BPTF: variants seen among roughly 807,000 people sequenced by gnomAD.
BPTF encodes the protein nucleosome-remodeling factor subunit BPTF.
Under a neutral mutation model 292.5 loss-of-function variants are expected in BPTF, and 18 were observed. That is an observed-to-expected ratio of 0.06 (90% CI 0.04 to 0.09). BPTF has a LOEUF of 0.09. BPTF is among the 10% of genes least tolerant of loss of function. BPTF has a pLI of 1.00. For synonymous variants in BPTF, 1,225 were observed against 1,251.9 expected, an observed-to-expected ratio of 0.98 and a Z score of 0.45; for missense variants, 2,726 against 3,498.7, an observed-to-expected ratio of 0.78 and a Z score of 5.57.
At chr17:67,874,540 C>A (rs537351777) in intron 3 of BPTF, among the ~76,000 whole-genome samples, 84 of 151,950 alleles carry the variant, frequency 5.5e-4, no homozygotes, top group Non-Finnish European at 9.7e-4. Context: ...TATATCAAGG[C>A]TATATTTTAA....
In BPTF at chr17:67,862,016, C is replaced by T. The variant is rs150957894; in HGVS notation, c.1437-4448C>T. On this transcript the variant is annotated intron_variant, in intron 2 of 27. Transcript: ENST00000306378. ...TTTTGATACAAGTCTCACTCTGTCGCCCAGGCTGGAGTGCAGTGGCACAAC... is the reference window on the plus strand; with the variant it reads ...TTTTGATACAAGTCTCACTCTGTCGTCCAGGCTGGAGTGCAGTGGCACAAC... Among the ~76,000 whole-genome samples, 521 of 152,330 alleles carry T rather than the reference C, an allele frequency of 3.4e-3. 2 individuals are homozygous for T. Among genetic ancestry groups the T allele is most frequent in the African/African-American group, 0.012 (503 of 41,564 alleles).
chr17:67,901,773 G>A (rs1464553853), intron 7 of BPTF, among the ~76,000 whole-genome samples: 1 of 152,190 alleles, frequency 6.6e-6, no homozygotes, highest in Non-Finnish European at 1.5e-5. Context: ...GTGTAGGAAC[G>A]CAGGGTGGCT....
Position 67,964,251 on chromosome 17 carries a change from T to C in BPTF, c.8301T>C (p.His2767=), listed in dbSNP as rs782205392. 5 of 1,614,030 alleles carry C rather than the reference T, an allele frequency of 3.1e-6. No individual in the cohort carries two copies. In the Admixed American group the frequency reaches 8.3e-5, roughly 27 times the overall value. The part of the protein sequence containing the change: ...IGCDRCQNWY[H]GRCVGILQSE... ...GTGATCGGTGTCAGAATTGGTACCA[T>C]GGGCGCTGCGTTGGCATCTTGCAAA... The change falls in exon 25 of 28, where the codon CAT becomes CAC. Residue 2767 remains histidine (H), a synonymous_variant. Coordinates refer to ENST00000306378, the MANE Select transcript of BPTF (RefSeq NM_182641.4).
chr17:67,826,030 G>A lies in BPTF; in HGVS notation c.306G>A (p.Thr102=), dbSNP rs1212205675. ...RGGRGGGGGR[T]GGGGGGGHLA... ...GGCGAGGAGGCGGGGGCGGCAGGAC[G>A]GGGGGCGGGGGCGGCGGCGGCCACC... The change falls in exon 1 of 28, where the codon ACG becomes ACA. Residue 102 remains threonine, a synonymous_variant. Coordinates refer to ENST00000306378, the MANE Select transcript of BPTF (RefSeq NM_182641.4). The A allele has an allele frequency of 2.5e-6, 3 of 1,192,750 alleles. No individual in the cohort carries two copies. The highest frequency in any genetic ancestry group is 3.5e-5 in the South Asian group (1 of 28,896). 73.9% of individuals were successfully genotyped at this position (1,192,750 alleles called of 1,614,324 possible). A position where few individuals can be genotyped will look rare whatever the true frequency, so the allele number is the denominator to read the frequency against.
intron 27 of BPTF, among the ~76,000 whole-genome samples, chr17:67,976,571 A>T (rs1458063227): frequency 1.5e-4 from 23 of 151,722 alleles, no homozygotes; most frequent in Admixed American, 5.9e-4. Flanking sequence ...CTGTAGTCCT[A>T]GCTACTCAGG....
intron 2 of BPTF, among the ~76,000 whole-genome samples, chr17:67,857,171 T>C (rs919090909): frequency 2.9e-3 from 408 of 139,780 alleles, no homozygotes; most frequent in Non-Finnish European, 4.9e-3. Context: ...TTTTTTTTTT[T>C]TTGAGACAGA....
In BPTF at chr17:67,895,835, C is replaced by T. The variant is rs528786304; in HGVS notation, c.2543+1670C>T. On this transcript the variant is annotated intron_variant, in intron 7 of 27. Coordinates refer to ENST00000306378, the MANE Select transcript of BPTF (RefSeq NM_182641.4). ...CAAAAACAAAGTTAAAAATGCAATT[C>T]GACTCCTTCCTAGTACAGTAGAGAG... Among the ~76,000 whole-genome samples, 68 of 152,194 alleles carry T rather than the reference C, an allele frequency of 4.5e-4. 1 individual carries two copies. Among genetic ancestry groups the T allele is most frequent in the African/African-American group, 1.4e-3 (58 of 41,520 alleles).
intron 1 of BPTF, among the ~76,000 whole-genome samples, chr17:67,841,800 T>TTG (rs2057575056): frequency 6.6e-6 from 1 of 152,220 alleles, no homozygotes; most frequent in East Asian, 1.9e-4. Flanking sequence ...TTACATTTAA[T>TTG]ATGATTGATA....
intron 7 of BPTF, among the ~76,000 whole-genome samples, chr17:67,899,536 T>C (rs1414892903): frequency 6.7e-6 from 1 of 150,262 alleles, no homozygotes; most frequent in Non-Finnish European, 1.5e-5. Flanking sequence ...TTTTTTTCTT[T>C]TTTTTTTTTT....
intron 3 of BPTF, among the ~76,000 whole-genome samples, chr17:67,867,468 G>A (rs1404981637): frequency 6.6e-6 from 1 of 152,150 alleles, no homozygotes; most frequent in Non-Finnish European, 1.5e-5. Context: ...TGAAATATTT[G>A]TTACAACTAA....
At chr17:67,831,178 A>G (rs1285608042) in intron 1 of BPTF, among the ~76,000 whole-genome samples, 2 of 152,140 alleles carry the variant, frequency 1.3e-5, no homozygotes, top group South Asian at 2.1e-4. Context: ...GTAGCCCTGG[A>G]TGGAAGATCA....
Position 67,866,597 on chromosome 17 carries a change from C to G in BPTF, c.1570C>G (p.Arg524Gly). The change falls in exon 3 of 28, where the codon CGT becomes GGT. Residue 524 changes from arginine to glycine, a missense_variant. By Grantham distance (125) the Arg-to-Gly change is moderately radical. Coordinates refer to ENST00000306378, the MANE Select transcript of BPTF (RefSeq NM_182641.4). ...AELCKILEEM[R>G]EEIHRHMDIT... The stretch of plus-strand genomic sequence containing the variant: ...ACTCTGCAAAATTCTAGAAGAAATG[C>G]GTGAAGAAATCCACCGACACATGGA... 6.2e-7 allele frequency: 1 copy of G among 1,613,784 alleles called. No individual in the cohort carries two copies. The highest frequency in any genetic ancestry group is 8.5e-7 in the Non-Finnish European group (1 of 1,179,832).
At position 67,826,354 on chromosome 17, in the gene BPTF, G is replaced by C. The variant is rs2056028326; in HGVS notation, c.613+17G>C. The C allele has an allele frequency of 6.3e-7, 1 of 1,595,868 alleles. No homozygotes were observed. Among genetic ancestry groups the C allele is most frequent in the South Asian group, 1.1e-5 (1 of 90,136 alleles). Reference sequence around the variant, plus strand: ...GCACTCCAGGTACCCACCCAGCCCAGTTGCTGCAGACTCCTTCCCCACCTC... The same window carrying C: ...GCACTCCAGGTACCCACCCAGCCCACTTGCTGCAGACTCCTTCCCCACCTC... On this transcript the variant is annotated intron_variant, in intron 1 of 27. Coordinates refer to ENST00000306378, the MANE Select transcript of BPTF (RefSeq NM_182641.4).
At chr17:67,959,471 C>G (rs2067259937) in intron 23 of BPTF, 70 bp from the exon 24 acceptor site, 2 of 1,263,708 alleles carry the variant, frequency 1.6e-6, no homozygotes, top group Non-Finnish European at 2.1e-6. Flanking sequence ...GGTAGTGTAC[C>G]ATCTTCTGGC....
At position 67,947,711 on chromosome 17, in the gene BPTF, T is replaced by G; in HGVS notation, c.7618-15T>G. 1 of 1,548,346 alleles carries G rather than the reference T, an allele frequency of 6.5e-7. No homozygotes were observed. The highest frequency in any genetic ancestry group is 8.7e-7 in the Non-Finnish European group (1 of 1,144,592). ...ATTATAAAATATGCGCTTTTGGATTTATTCTGTCCTGAAGGTGGTGATGAA... is the reference window on the plus strand; with the variant it reads ...ATTATAAAATATGCGCTTTTGGATTGATTCTGTCCTGAAGGTGGTGATGAA... On this transcript the variant is annotated splice_polypyrimidine_tract_variant and intron_variant, in intron 21 of 27. Transcript: ENST00000306378.
At chr17:67,932,226 A>G (rs1192560298) in intron 18 of BPTF, among the ~76,000 whole-genome samples, 5 of 152,374 alleles carry the variant, frequency 3.3e-5, no homozygotes, top group African/African-American at 1.2e-4. Context: ...ATGCTTATTA[A>G]AAATGTAACA....
chr17:67,832,050 C>T (rs1251300690), intron 1 of BPTF, among the ~76,000 whole-genome samples: 11 of 151,960 alleles, frequency 7.2e-5, no homozygotes, highest in Admixed American at 4.6e-4. Flanking sequence ...CCACCACGCC[C>T]GTCTAATTTT....
chr17:67,953,135 G>A (rs1390170238), intron 23 of BPTF, among the ~76,000 whole-genome samples: 1 of 151,184 alleles, frequency 6.6e-6, no homozygotes, highest in Non-Finnish European at 1.5e-5. Context: ...CTAGTTTTTT[G>A]TATTTTTAGT....
At chr17:67,874,289 T>C (rs1258742144) in intron 3 of BPTF, among the ~76,000 whole-genome samples, 12 of 152,180 alleles carry the variant, frequency 7.9e-5, no homozygotes, top group African/African-American at 2.2e-4. Context: ...TTCAGAACAA[T>C]TAAGGGACTT....
Sources: gnomAD v4.1 joint callset for allele counts (sites outside exome capture counted in the v4.1 genomes callset) on GRCh38, gnomAD v4.1.1 for gene constraint, MANE v1.5 for transcripts, NCBI Gene and HGNC (gene_info 2026-07-23, HGNC 2026-07-21) for gene names.